MGAT4C: variants seen among roughly 807,000 people sequenced by gnomAD.
The protein encoded by MGAT4C is alpha-1,3-mannosyl-glycoprotein 4-beta-N-acetylglucosaminyltransferase C.
MGAT4C carries 19 observed loss-of-function variants against 40.1 expected under a neutral mutation model. The observed-to-expected ratio is 0.47, with a 90% CI of 0.33 to 0.70. MGAT4C has a LOEUF of 0.70. MGAT4C is among the 30% of genes least tolerant of loss of function. MGAT4C has a pLI of 0.02. For synonymous variants in MGAT4C, 181 were observed against 187.1 expected (o/e 0.97, Z 0.27); for missense variants, 491 against 563.2 (o/e 0.87, Z 1.30).
At chr12:86,501,957 A>C (rs1044818464) in intron 2 of MGAT4C, among the ~76,000 whole-genome samples, 1 of 152,140 alleles carries the variant, frequency 6.6e-6, no homozygotes, top group Admixed American at 6.6e-5. Context: ...TCCCACCAAC[A>C]GTGTAAAAGT....
intron 3 of MGAT4C, among the ~76,000 whole-genome samples, chr12:86,407,003 A>G (rs955831107): frequency 5.3e-5 from 8 of 152,074 alleles, no homozygotes; most frequent in African/African-American, 1.9e-4. Flanking sequence ...GTAGGTTGTC[A>G]CCTATACTTC....
At chr12:86,590,761 TG>T (rs1172960316) in intron 2 of MGAT4C, among the ~76,000 whole-genome samples, 1 of 151,950 alleles carries the variant, frequency 6.6e-6, no homozygotes, top group East Asian at 1.9e-4. Context: ...TTGAATTCAG[TG>T]GTACTTTCAG....
At chr12:86,202,702 A>C (rs1178063823) in intron 1 of MGAT4C, among the ~76,000 whole-genome samples, 1 of 151,920 alleles carries the variant, frequency 6.6e-6, no homozygotes, top group African/African-American at 2.4e-5. Flanking sequence ...TGGAAGCTTC[A>C]CTTTAGATCA....
chr12:86,210,761 C>G (rs2052598653), intron 1 of MGAT4C, among the ~76,000 whole-genome samples: 1 of 152,176 alleles, frequency 6.6e-6, no homozygotes, highest in African/African-American at 2.4e-5. Flanking sequence ...AGGTTTTACT[C>G]AAGAGTGACA....
At chr12:86,420,959 A>G (rs1375061391) in intron 3 of MGAT4C, among the ~76,000 whole-genome samples, 2 of 151,572 alleles carry the variant, frequency 1.3e-5, no homozygotes, top group Non-Finnish European at 3.0e-5. Context: ...TTTTTCTGGT[A>G]AAATCTGAAT....
chr12:86,024,245 T>A (rs2136877943), intron 2 of MGAT4C, among the ~76,000 whole-genome samples: 1 of 151,974 alleles, frequency 6.6e-6, no homozygotes, highest in South Asian at 2.1e-4. Flanking sequence ...CAGAATAGAA[T>A]GATGGTTCTA....
intron 3 of MGAT4C, among the ~76,000 whole-genome samples, chr12:86,411,130 A>C (rs1956594625): frequency 6.6e-6 from 1 of 152,176 alleles, no homozygotes; most frequent in African/African-American, 2.4e-5. Context: ...TTGGTGTAAA[A>C]ATAGCAATGT....
intron 2 of MGAT4C, among the ~76,000 whole-genome samples, chr12:86,651,164 C>A (rs537303372): frequency 6.6e-6 from 1 of 151,936 alleles, no homozygotes; most frequent in Non-Finnish European, 1.5e-5. Flanking sequence ...TGTGTGCTAT[C>A]CACCTTTTAC....
At chr12:86,227,421 T>C (rs1415990686) in intron 1 of MGAT4C, among the ~76,000 whole-genome samples, 1 of 151,952 alleles carries the variant, frequency 6.6e-6, no homozygotes, top group Admixed American at 6.6e-5. Flanking sequence ...TTTCACTACA[T>C]ATCCAATGGC....
chr12:86,238,811 A>G (rs1566199495), intron 1 of MGAT4C, among the ~76,000 whole-genome samples: 1 of 152,056 alleles, frequency 6.6e-6, no homozygotes, highest in Non-Finnish European at 1.5e-5. Flanking sequence ...AAAGCCTTTG[A>G]AGAAAGATAA....
chr12:86,746,892 C>T (rs1370457919), intron 1 of MGAT4C, among the ~76,000 whole-genome samples: 2 of 151,532 alleles, frequency 1.3e-5, no homozygotes, highest in Admixed American at 1.3e-4. Context: ...GATCTAATTA[C>T]TTGTTTGTTT....
intron 2 of MGAT4C, among the ~76,000 whole-genome samples, chr12:86,549,487 A>C (rs989477169): frequency 6.6e-6 from 1 of 152,172 alleles, no homozygotes; most frequent in East Asian, 1.9e-4. Flanking sequence ...TTTAATTTGA[A>C]GATGATAATT....
intron 1 of MGAT4C, among the ~76,000 whole-genome samples, chr12:86,064,631 C>A (rs941490082): frequency 6.6e-6 from 1 of 151,966 alleles, no homozygotes; most frequent in African/African-American, 2.4e-5. Flanking sequence ...AAAATTGACA[C>A]CCTAACATCA....
At chr12:86,790,761 T>A (rs2136192587) in intron 1 of MGAT4C, among the ~76,000 whole-genome samples, 1 of 152,202 alleles carries the variant, frequency 6.6e-6, no homozygotes, top group South Asian at 2.1e-4. Flanking sequence ...TAAAATTGAA[T>A]CTCTGCGTTC....
intron 2 of MGAT4C, among the ~76,000 whole-genome samples, chr12:86,587,191 AC>A (rs1961086900): frequency 1.3e-5 from 2 of 151,946 alleles, no homozygotes; most frequent in Non-Finnish European, 2.9e-5. Flanking sequence ...TTTTCCCAGC[AC>A]CATTTATTAA....
At chr12:86,240,079 G>T (rs1951720570) in intron 1 of MGAT4C, among the ~76,000 whole-genome samples, 1 of 150,584 alleles carries the variant, frequency 6.6e-6, no homozygotes, top group African/African-American at 2.4e-5. Context: ...TATCTCTAAT[G>T]CCTATTCTAA....
chr12:86,713,110 AC>A (rs1565943009), intron 2 of MGAT4C, among the ~76,000 whole-genome samples: 1 of 151,982 alleles, frequency 6.6e-6, no homozygotes, highest in Non-Finnish European at 1.5e-5. Context: ...ATACACACAC[AC>A]ACACACACCA....
chr12:86,455,695 A>G (rs982603895), intron 2 of MGAT4C, among the ~76,000 whole-genome samples: 2 of 152,136 alleles, frequency 1.3e-5, no homozygotes, highest in Non-Finnish European at 2.9e-5. Flanking sequence ...AAATTAGACA[A>G]TATGCAAGTA....
At chr12:86,665,610 A>G (rs990027062) in intron 2 of MGAT4C, among the ~76,000 whole-genome samples, 4 of 152,062 alleles carry the variant, frequency 2.6e-5, no homozygotes, top group Non-Finnish European at 4.4e-5. Flanking sequence ...TGACCTCGTG[A>G]TCCACCCACC....
Sources: gnomAD v4.1 joint callset for allele counts (sites outside exome capture counted in the v4.1 genomes callset) on GRCh38, gnomAD v4.1.1 for gene constraint, MANE v1.5 for transcripts, NCBI Gene and HGNC (gene_info 2026-07-23, HGNC 2026-07-21) for gene names.